Variants in GALNT17 observed in about 807,000 individuals in gnomAD.
The protein encoded by GALNT17 is UDP-GalNAc:polypeptide N-acetylgalactosaminyltransferase-like 3.
In GALNT17, 29 loss-of-function variants were observed where a neutral mutation model predicts 63.7. That is an observed-to-expected ratio of 0.46 (90% CI 0.34 to 0.62). The LOEUF is 0.62. Among genes scored for constraint, GALNT17 ranks in the 20% least tolerant of loss-of-function variants. GALNT17 has a pLI of 0.01. For missense variants in GALNT17, 603 were observed against 799.6 expected (o/e 0.75, Z 2.97); for synonymous variants, 305 against 318.3 (o/e 0.96, Z 0.45).
chr7:71,238,168 ACTCT>A (rs949475685), intron 1 of GALNT17, among the ~76,000 whole-genome samples: 3 of 151,960 alleles, frequency 2.0e-5, no homozygotes, highest in African/African-American at 7.3e-5. Context: ...GAGCAGCCAC[ACTCT>A]CTCTCTGAGC....
intron 6 of GALNT17, among the ~76,000 whole-genome samples, chr7:71,636,105 A>G (rs1790525585): frequency 6.6e-6 from 1 of 152,202 alleles, no homozygotes; most frequent in South Asian, 2.1e-4. Context: ...CGCCTCTGAC[A>G]TAATGATCAA....
intron 9 of GALNT17, among the ~76,000 whole-genome samples, chr7:71,701,974 T>A (rs1027187362): frequency 9.4e-5 from 14 of 148,566 alleles, no homozygotes; most frequent in African/African-American, 3.2e-4. Flanking sequence ...AAGAATAAAA[T>A]CATATCCTTT....
chr7:71,532,323 G>A (rs1041085451), intron 5 of GALNT17, among the ~76,000 whole-genome samples: 8 of 152,140 alleles, frequency 5.3e-5, no homozygotes, highest in Admixed American at 3.3e-4. Flanking sequence ...TCTGGAAAAT[G>A]TGTTTGGGGA....
chr7:71,437,216 A>G (rs1399359288), intron 5 of GALNT17, among the ~76,000 whole-genome samples: 1 of 152,174 alleles, frequency 6.6e-6, no homozygotes, highest in South Asian at 2.1e-4. Context: ...ATCCTTTTGT[A>G]TCTGCACCCT....
intron 6 of GALNT17, among the ~76,000 whole-genome samples, chr7:71,606,698 G>T (rs1404277819): frequency 6.6e-6 from 1 of 152,086 alleles, no homozygotes; most frequent in Non-Finnish European, 1.5e-5. Flanking sequence ...CCTTGGTTTC[G>T]TTGGGTTTAC....
At chr7:71,146,711 G>C (rs978992053) in intron 1 of GALNT17, among the ~76,000 whole-genome samples, 2 of 152,168 alleles carry the variant, frequency 1.3e-5, no homozygotes, top group African/African-American at 4.8e-5. Context: ...CCGGTCTTTA[G>C]ACTGCTCTGA....
In GALNT17 at chr7:71,137,390, C is replaced by T. The variant is rs181308240; in HGVS notation, c.238+4350C>T. On this transcript the variant is annotated intron_variant, in intron 1 of 10. Transcript: ENST00000333538. ...TCCTGACCTCGTGATCCACCCGCCT[C>T]GGCCTCCCAAGGTGCTGGGATTACA... Among the ~76,000 whole-genome samples, 590 of 151,798 alleles carry T rather than the reference C, an allele frequency of 3.9e-3. 7 individuals are homozygous for T. Among genetic ancestry groups the T allele is most frequent in the African/African-American group, 0.013 (529 of 41,378 alleles).
At chr7:71,214,432 C>T (rs1382528379) in intron 1 of GALNT17, among the ~76,000 whole-genome samples, 6 of 152,160 alleles carry the variant, frequency 3.9e-5, no homozygotes, top group Non-Finnish European at 5.9e-5. Flanking sequence ...ATTAAGAAGG[C>T]ATTTCCCAAG....
chr7:71,667,948 C>A (rs1481906639), intron 7 of GALNT17, among the ~76,000 whole-genome samples: 3 of 152,222 alleles, frequency 2.0e-5, no homozygotes, highest in African/African-American at 7.2e-5. Context: ...CACAGGCTTG[C>A]GCCCTCTACC....
chr7:71,595,130 T>C (rs1789866501), intron 6 of GALNT17, among the ~76,000 whole-genome samples: 1 of 151,694 alleles, frequency 6.6e-6, no homozygotes, highest in Non-Finnish European at 1.5e-5. Flanking sequence ...AGAAAGGAGA[T>C]GAGGAAGAGG....
chr7:71,343,319 T>A (rs1282309852), intron 2 of GALNT17, among the ~76,000 whole-genome samples: 1 of 152,218 alleles, frequency 6.6e-6, no homozygotes, highest in East Asian at 1.9e-4. Context: ...TTTAAGAAGC[T>A]TTAAGTAGGC....
intron 9 of GALNT17, among the ~76,000 whole-genome samples, chr7:71,703,455 A>G (rs944968436): frequency 6.6e-6 from 1 of 152,168 alleles, no homozygotes; most frequent in Non-Finnish European, 1.5e-5. Flanking sequence ...CTAAGCAAGA[A>G]CTCATTTATC....
At chr7:71,577,318 A>G (rs1469335120) in intron 6 of GALNT17, among the ~76,000 whole-genome samples, 2 of 152,160 alleles carry the variant, frequency 1.3e-5, no homozygotes, top group Non-Finnish European at 1.5e-5. Flanking sequence ...AGCATCACAC[A>G]CAACACCCAT....
intron 1 of GALNT17, among the ~76,000 whole-genome samples, chr7:71,286,964 T>C (rs1384697912): frequency 6.6e-6 from 1 of 151,800 alleles, no homozygotes; most frequent in Non-Finnish European, 1.5e-5. Context: ...CTAACGTTTT[T>C]GTATATTTTA....
At chr7:71,562,206 C>A (rs1200676085) in intron 5 of GALNT17, among the ~76,000 whole-genome samples, 1 of 152,096 alleles carries the variant, frequency 6.6e-6, no homozygotes, top group Non-Finnish European at 1.5e-5. Context: ...CTCAAGCAAT[C>A]CTCTAGCCTT....
chr7:71,269,370 G>A (rs896458072), intron 1 of GALNT17, among the ~76,000 whole-genome samples: 2 of 152,214 alleles, frequency 1.3e-5, no homozygotes, highest in Non-Finnish European at 2.9e-5. Flanking sequence ...AGGAGGCTTA[G>A]GTGGGAGGAT....
chr7:71,621,348 C>G lies in GALNT17; in HGVS notation c.1081-44063C>G, dbSNP rs138561160. ...TGGATCACAAGCTCTCTAAGAAGAG[C>G]ATCTATGTCGATTTTATTCATCAGT... On this transcript the variant is annotated intron_variant, in intron 6 of 10. Transcript: ENST00000333538. Among the ~76,000 whole-genome samples, 57 of 152,284 alleles carry G rather than the reference C, an allele frequency of 3.7e-4. 2 individuals are homozygous for G. The East Asian group carries it at 8.3e-3, about 22-fold the overall frequency.
intron 1 of GALNT17, among the ~76,000 whole-genome samples, chr7:71,171,952 G>A (rs1346633488): frequency 6.6e-6 from 1 of 152,130 alleles, no homozygotes; most frequent in Non-Finnish European, 1.5e-5. Context: ...CAGAAAGGAT[G>A]CACCCTCCCA....
At chr7:71,253,396 T>C (rs1790235239) in intron 1 of GALNT17, among the ~76,000 whole-genome samples, 1 of 152,130 alleles carries the variant, frequency 6.6e-6, no homozygotes, top group Non-Finnish European at 1.5e-5. Context: ...TGGGGGGAAC[T>C]GCCCCCATGA....
Sources: gnomAD v4.1 joint callset for allele counts (sites outside exome capture counted in the v4.1 genomes callset) on GRCh38, gnomAD v4.1.1 for gene constraint, MANE v1.5 for transcripts, NCBI Gene and HGNC (gene_info 2026-07-23, HGNC 2026-07-21) for gene names.